CRTC1: variants seen among roughly 807,000 people sequenced by gnomAD.
CRTC1 encodes the protein CREB-regulated transcription coactivator 1.
CRTC1 carries 18 observed loss-of-function variants against 66.1 expected under a neutral mutation model. That is an observed-to-expected ratio of 0.27 (90% CI 0.19 to 0.40). CRTC1 has a LOEUF of 0.40. Ranked by LOEUF, CRTC1 falls within the 10% of genes least tolerant of loss-of-function variation. The pLI is 1.00. For synonymous variants in CRTC1, 416 were observed against 398.8 expected, an observed-to-expected ratio of 1.04 and a Z score of -0.51; for missense variants, 669 against 887.9, an observed-to-expected ratio of 0.75 and a Z score of 3.13.
chr19:18,720,061 GT>G (rs1479005037), intron 1 of CRTC1, among the ~76,000 whole-genome samples: 1 of 152,260 alleles, frequency 6.6e-6, no homozygotes, highest in Non-Finnish European at 1.5e-5. Context: ...CAAAGGATCT[GT>G]TCCCCCAGCT....
chr19:18,763,416 G>A (rs1325195859), intron 8 of CRTC1, among the ~76,000 whole-genome samples: 4 of 152,114 alleles, frequency 2.6e-5, no homozygotes, highest in Non-Finnish European at 5.9e-5. Context: ...TATTCAGGAC[G>A]GTCACCCTGT....
chr19:18,739,002 C>T (rs2054056672), intron 1 of CRTC1, among the ~76,000 whole-genome samples: 1 of 152,114 alleles, frequency 6.6e-6, no homozygotes, highest in African/African-American at 2.4e-5. Flanking sequence ...AGGCTGGAGG[C>T]AAAGCCCACC....
At chr19:18,692,498 G>A (rs1273362985) in intron 1 of CRTC1, among the ~76,000 whole-genome samples, 2 of 152,006 alleles carry the variant, frequency 1.3e-5, no homozygotes, top group African/African-American at 4.8e-5. Context: ...CTACTCAGGA[G>A]GCTGAGACAG....
rs763561818 is a variant in CRTC1, at chr19:18,768,706, C to G, written c.1233C>G (p.Pro411=). The change falls in exon 10 of 14, where the codon CCC becomes CCG. Residue 411 remains proline, a synonymous_variant. Coordinates refer to ENST00000321949, the MANE Select transcript of CRTC1 (RefSeq NM_015321.3). This position sits in a 1 kb window ranked among gnomAD's most constrained non-coding sequence, Gnocchi z 5.6. The part of the protein sequence containing the change: ...SASLTRGPQP[P]PLAVTVPSSL... ...GCCTGACTCGTGGGCCACAGCCGCC[C>G]CCGCTTGCAGTCACGGTACCGTCCT... 1 of 1,590,680 alleles carries G rather than the reference C, an allele frequency of 6.3e-7. No individual in the cohort carries two copies. Among genetic ancestry groups the G allele is most frequent in the Non-Finnish European group, 8.5e-7 (1 of 1,169,972 alleles).
At chr19:18,702,069 G>A (rs1409134204) in intron 1 of CRTC1, among the ~76,000 whole-genome samples, 2 of 151,482 alleles carry the variant, frequency 1.3e-5, no homozygotes, top group Non-Finnish European at 2.9e-5. Flanking sequence ...GATTATAGGC[G>A]TGTACCACCA....
Position 18,771,089 on chromosome 19 carries a change from T to C in CRTC1, c.1321-353T>C, listed in dbSNP as rs908954420. Among the ~76,000 whole-genome samples, 2 of 152,072 alleles carry C rather than the reference T, an allele frequency of 1.3e-5. No individual in the cohort carries two copies. The highest frequency in any genetic ancestry group is 4.8e-5 in the African/African-American group (2 of 41,378). On this transcript the variant is annotated intron_variant, in intron 10 of 13. Transcript: ENST00000321949. The surrounding 1 kb of genome is among the most constrained non-coding windows in gnomAD (Gnocchi z 4.6). ...GTGTGGATATGTGTACACGTGGGTA[T>C]GTCTGTGTGGGTGTGCATGCATGAG...
At position 18,694,522 on chromosome 19, in the gene CRTC1, T is replaced by C. The variant is rs76998799; in HGVS notation, c.126+10694T>C. Among the ~76,000 whole-genome samples the C allele has an allele frequency of 6.9e-3, 1,045 of 152,262 alleles. 13 individuals are homozygous for C. The highest frequency in any genetic ancestry group is 0.024 in the African/African-American group (999 of 41,542). ...CATGCGGTCCACTGTGGCTTTGACC[T>C]CCTGGGCTCTAGCGATCCTCCCACC... is the stretch of plus-strand genomic sequence containing the variant. On this transcript the variant is annotated intron_variant, in intron 1 of 13. Coordinates refer to ENST00000321949, the MANE Select transcript of CRTC1 (RefSeq NM_015321.3).
chr19:18,775,697 G>C lies in CRTC1; in HGVS notation c.1569G>C (p.Pro523=), dbSNP rs775256338. 15 of 1,612,488 alleles carry C rather than the reference G, an allele frequency of 9.3e-6. No homozygotes were observed. The highest frequency in any genetic ancestry group is 1.3e-5 in the Non-Finnish European group (15 of 1,179,786). Residue 523 remains proline, a synonymous_variant, in exon 13 of 14, where the codon CCG becomes CCC. Coordinates refer to ENST00000321949, the MANE Select transcript of CRTC1 (RefSeq NM_015321.3). ...TCAGCTCCAGCAGCCTGTACAGCCC[G>C]GGCTCCACACTCAACTACTCGCAGG... The part of the protein sequence containing the change: ...NAISSSSLYS[P]GSTLNYSQAA...
At chr19:18,773,944 G>A (rs1301120111) in intron 11 of CRTC1, among the ~76,000 whole-genome samples, 2 of 152,192 alleles carry the variant, frequency 1.3e-5, no homozygotes, top group East Asian at 3.9e-4. Flanking sequence ...AAGCTCAGAT[G>A]GGGAGCTCCA....
chr19:18,705,579 A>G (rs1480891724), intron 1 of CRTC1, among the ~76,000 whole-genome samples: 1 of 152,158 alleles, frequency 6.6e-6, no homozygotes. Context: ...TTGGCCTCCC[A>G]AAGTGCTGGG....
At chr19:18,748,610 G>A (rs1445266035) in intron 4 of CRTC1, among the ~76,000 whole-genome samples, 1 of 148,906 alleles carries the variant, frequency 6.7e-6, no homozygotes, top group African/African-American at 2.5e-5. Context: ...CGAGGCGGGT[G>A]GATCACTAGA....
intron 1 of CRTC1, among the ~76,000 whole-genome samples, chr19:18,737,109 A>G (rs2054013676): frequency 6.6e-6 from 1 of 152,102 alleles, no homozygotes; most frequent in South Asian, 2.1e-4. Flanking sequence ...TGGGCGGGGC[A>G]GGGGCGTAGA....
intron 1 of CRTC1, among the ~76,000 whole-genome samples, chr19:18,738,072 C>G (rs1005343688): frequency 6.6e-6 from 1 of 152,124 alleles, no homozygotes; most frequent in Middle Eastern, 3.2e-3. Flanking sequence ...CTAATCCCAG[C>G]ACTTTGGGAA....
intron 1 of CRTC1, among the ~76,000 whole-genome samples, chr19:18,689,583 A>ATATG (rs74217964): frequency 0.01 from 653 of 65,040 alleles, 5 homozygotes; most frequent in East Asian, 0.017. Flanking sequence ...ATATATATAT[A>ATATG]TATGTAATAT....
At chr19:18,712,011 C>A (rs983507114) in intron 1 of CRTC1, among the ~76,000 whole-genome samples, 1 of 150,868 alleles carries the variant, frequency 6.6e-6, no homozygotes, top group African/African-American at 2.4e-5. Context: ...TGCAGTAGTT[C>A]TATCCCAGCA....
intron 1 of CRTC1, among the ~76,000 whole-genome samples, chr19:18,704,350 A>G (rs1436789266): frequency 6.6e-6 from 1 of 152,126 alleles, no homozygotes; most frequent in African/African-American, 2.4e-5. Flanking sequence ...TGGTCTCCCA[A>G]AGTGCTAGGA....
At chr19:18,756,651 AAAC>A (rs2054496110) in intron 6 of CRTC1, among the ~76,000 whole-genome samples, 1 of 152,036 alleles carries the variant, frequency 6.6e-6, no homozygotes, top group African/African-American at 2.4e-5. Flanking sequence ...CAAAACAAGA[AAAC>A]AAATGTCCAG....
At chr19:18,702,659 C>T (rs1038580457) in intron 1 of CRTC1, among the ~76,000 whole-genome samples, 8 of 151,684 alleles carry the variant, frequency 5.3e-5, no homozygotes, top group Non-Finnish European at 1.2e-4. Flanking sequence ...CTCAGCCTCC[C>T]GAGTAGCTGG....
At chr19:18,698,900 C>T (rs763861362) in intron 1 of CRTC1, among the ~76,000 whole-genome samples, 1 of 150,988 alleles carries the variant, frequency 6.6e-6, no homozygotes, top group Non-Finnish European at 1.5e-5. Flanking sequence ...GTGTGCTCTG[C>T]GGGCACTCAG....
Sources: gnomAD v4.1 joint callset for allele counts (sites outside exome capture counted in the v4.1 genomes callset) on GRCh38, gnomAD v4.1.1 for gene constraint, Gnocchi (gnomAD v3.1) non-coding constraint, MANE v1.5 for transcripts, NCBI Gene and HGNC (gene_info 2026-07-23, HGNC 2026-07-21) for gene names.